DAPP1: variants seen among roughly 807,000 people sequenced by gnomAD.
DAPP1 encodes dual adapter for phosphotyrosine and 3-phosphotyrosine and 3-phosphoinositide.
Under a neutral mutation model 41.5 loss-of-function variants are expected in DAPP1, and 20 were observed. The ratio of observed to expected loss-of-function variants is 0.48; its 90% CI spans 0.34 to 0.70. The LOEUF is 0.70. Among genes scored for constraint, DAPP1 ranks in the 30% least tolerant of loss-of-function variants. DAPP1 has a pLI of 0.01. For synonymous variants in DAPP1, 113 were observed against 116.2 expected, an observed-to-expected ratio of 0.97 and a Z score of 0.18; for missense variants, 233 against 333.4, an observed-to-expected ratio of 0.70 and a Z score of 2.35.
chr4:99,849,596 A>G (rs1299399188), intron 3 of DAPP1, among the ~76,000 whole-genome samples: 1 of 152,200 alleles, frequency 6.6e-6, no homozygotes, highest in African/African-American at 2.4e-5. Flanking sequence ...CTGCAGCGCA[A>G]CTGGCCCCGG....
At chr4:99,842,828 C>T (rs1389701731) in intron 3 of DAPP1, among the ~76,000 whole-genome samples, 2 of 151,688 alleles carry the variant, frequency 1.3e-5, no homozygotes, top group Non-Finnish European at 2.9e-5. Flanking sequence ...TGTTCACCTT[C>T]AGATGAAGTA....
intron 1 of DAPP1, among the ~76,000 whole-genome samples, chr4:99,827,757 A>G (rs1722986004): frequency 6.6e-6 from 1 of 152,138 alleles, no homozygotes; most frequent in Non-Finnish European, 1.5e-5. Context: ...TCAGAGTTTA[A>G]CGTTAAGACA....
At chr4:99,842,458 T>C (rs1300836082) in intron 3 of DAPP1, among the ~76,000 whole-genome samples, 1 of 152,264 alleles carries the variant, frequency 6.6e-6, no homozygotes, top group African/African-American at 2.4e-5. Context: ...CTTGACTTGC[T>C]GGCTTCCAGC....
chr4:99,835,852 AC>A, intron 2 of DAPP1, 107 bp downstream of exon 2: 1 of 1,418,026 alleles, frequency 7.1e-7, no homozygotes, highest in Non-Finnish European at 9.6e-7. Context: ...TTCCTGTTGG[AC>A]CACCAGGTTA....
intron 3 of DAPP1, among the ~76,000 whole-genome samples, chr4:99,850,431 G>A (rs116733642): frequency 6.6e-5 from 10 of 151,878 alleles, no homozygotes; most frequent in African/African-American, 1.2e-4. Context: ...ATTAACACAG[G>A]TATTATTATG....
intron 1 of DAPP1, among the ~76,000 whole-genome samples, chr4:99,823,142 ATTTAC>A (rs1451503210): frequency 6.6e-6 from 1 of 152,220 alleles, no homozygotes; most frequent in Non-Finnish European, 1.5e-5. Flanking sequence ...GATATCTGTA[ATTTAC>A]TTTAAAACTG....
intron 8 of DAPP1, among the ~76,000 whole-genome samples, chr4:99,867,461 G>A (rs1282621854): frequency 6.6e-6 from 1 of 152,164 alleles, no homozygotes; most frequent in Non-Finnish European, 1.5e-5. Flanking sequence ...ACACCCTTCA[G>A]AACGGATACA....
intron 1 of DAPP1, 37 bp from the exon 2 acceptor site, chr4:99,835,585 GT>G: frequency 6.2e-7 from 1 of 1,606,936 alleles, no homozygotes; most frequent in Non-Finnish European, 8.5e-7. Flanking sequence ...TCATGCCATG[GT>G]TTGGCCTGAG....
chr4:99,817,123 C>T, intron 1 of DAPP1, 109 bp downstream of exon 1: 2 of 675,590 alleles, frequency 3.0e-6, no homozygotes, highest in African/African-American at 1.9e-5. Context: ...TTGCCCTCTG[C>T]CACCTCAACC....
intron 3 of DAPP1, among the ~76,000 whole-genome samples, chr4:99,851,848 C>T (rs754595209): frequency 1.5e-4 from 23 of 152,038 alleles, no homozygotes; most frequent in Middle Eastern, 3.4e-3. Context: ...CCACTGTGCC[C>T]GGCCTGTTTT....
chr4:99,859,945 G>A (rs115826399), intron 4 of DAPP1, among the ~76,000 whole-genome samples: 24 of 152,320 alleles, frequency 1.6e-4, no homozygotes, highest in African/African-American at 5.5e-4. Context: ...GTGCTTGAAA[G>A]CCCTCCACAC....
At chr4:99,836,735 A>G (rs1001396475) in intron 2 of DAPP1, among the ~76,000 whole-genome samples, 29 of 152,158 alleles carry the variant, frequency 1.9e-4, no homozygotes, top group African/African-American at 6.8e-4. Flanking sequence ...CCTTGCTTCT[A>G]TATTCATTTT....
chr4:99,826,328 A>C (rs761155772), intron 1 of DAPP1, among the ~76,000 whole-genome samples: 1 of 152,142 alleles, frequency 6.6e-6, no homozygotes, highest in Non-Finnish European at 1.5e-5. Context: ...AATAAGAGAA[A>C]ATTTTCTAAA....
intron 5 of DAPP1, among the ~76,000 whole-genome samples, chr4:99,862,396 C>T (rs1449104154): frequency 6.6e-6 from 1 of 152,108 alleles, no homozygotes; most frequent in African/African-American, 2.4e-5. Flanking sequence ...AAGGTAACAG[C>T]GGGCAATGAT....
intron 8 of DAPP1, 86 bp from the exon 9 acceptor site, chr4:99,868,031 C>A: frequency 8.6e-7 from 1 of 1,162,614 alleles, no homozygotes; most frequent in Non-Finnish European, 1.3e-6. Context: ...CCTTACTAAT[C>A]AACATGTCTT....
At chr4:99,870,676 GAA>G (rs1296416113), downstream of DAPP1, among the ~76,000 whole-genome samples, 7 of 152,188 alleles carry the variant, frequency 4.6e-5, no homozygotes, top group Non-Finnish European at 5.9e-5. Context: ...GAATATGGGA[GAA>G]AAGAGAGTGG....
intron 2 of DAPP1, 149 bp downstream of exon 2, chr4:99,835,894 TAAA>T (rs1192687718): frequency 4.0e-6 from 4 of 1,010,468 alleles, no homozygotes; most frequent in African/African-American, 1.6e-5. Context: ...GATGAGGGTG[TAAA>T]ACAACATTCC....
chr4:99,849,973 C>T (rs1049136478), intron 3 of DAPP1, among the ~76,000 whole-genome samples: 12 of 152,210 alleles, frequency 7.9e-5, no homozygotes, highest in Admixed American at 2.0e-4. Flanking sequence ...GGAATGAATC[C>T]TCCCTAGAGC....
intron 7 of DAPP1, chr4:99,864,235 C>A: frequency 6.2e-6 from 1 of 160,168 alleles, no homozygotes; most frequent in Non-Finnish European, 1.4e-5. Context: ...TTTGTTCTAA[C>A]ATAATCAGTA....
Sources: allele counts gnomAD v4.1 joint callset (sites outside exome capture counted in the v4.1 genomes callset), GRCh38; gene constraint gnomAD v4.1.1; transcripts MANE v1.5; gene names NCBI Gene and HGNC (gene_info 2026-07-23, HGNC 2026-07-21).